Variants in STXBP5 observed in about 807,000 individuals in gnomAD.
STXBP5 encodes the protein syntaxin-binding protein 5.
A neutral mutation model predicts 152.4 loss-of-function variants in STXBP5; 50 were observed. The ratio of observed to expected loss-of-function variants is 0.33; its 90% CI spans 0.26 to 0.42. The LOEUF is 0.42. STXBP5 is among the 10% of genes least tolerant of loss of function. STXBP5 has a pLI of 1.00. For synonymous variants in STXBP5, 492 were observed against 494.7 expected, an observed-to-expected ratio of 0.99 and a Z score of 0.07; for missense variants, 1,167 against 1,388.6, an observed-to-expected ratio of 0.84 and a Z score of 2.54.
intron 2 of STXBP5, among the ~76,000 whole-genome samples, chr6:147,214,328 C>T (rs749419670): frequency 3.9e-5 from 6 of 152,144 alleles, no homozygotes; most frequent in Non-Finnish European, 8.8e-5. Context: ...TTATTTTCCT[C>T]ATATTTACTT....
In STXBP5 at chr6:147,219,126, C is replaced by T. The variant is rs57233238; in HGVS notation, c.248+13058C>T. On this transcript the variant is annotated intron_variant, in intron 2 of 27. Coordinates refer to ENST00000321680, the MANE Select transcript of STXBP5 (RefSeq NM_001127715.4). ...CAAGTTGAGCAACTTCACCTGTATT[C>T]GTAGTTTACCGACAGTGTTTATCTG... Among the ~76,000 whole-genome samples, 1,097 of 152,170 alleles carry T rather than the reference C, an allele frequency of 7.2e-3. 12 individuals carry two copies. The highest frequency in any genetic ancestry group is 0.025 in the African/African-American group (1,052 of 41,514).
At chr6:147,290,447 C>A (rs1781223388) in intron 8 of STXBP5, among the ~76,000 whole-genome samples, 1 of 152,104 alleles carries the variant, frequency 6.6e-6, no homozygotes, top group South Asian at 2.1e-4. Context: ...AGTGGTTAAT[C>A]TCTGAAATAT....
chr6:147,205,560 A>T (rs1776505359), intron 1 of STXBP5, among the ~76,000 whole-genome samples: 1 of 152,164 alleles, frequency 6.6e-6, no homozygotes, highest in Non-Finnish European at 1.5e-5. Flanking sequence ...TTTTCCTTAG[A>T]AGTACTTGCG....
chr6:147,261,779 G>A (rs1582858835), intron 5 of STXBP5, among the ~76,000 whole-genome samples: 1 of 151,830 alleles, frequency 6.6e-6, no homozygotes, highest in East Asian at 1.9e-4. Context: ...TTCTGAATTA[G>A]GGGTATGCTT....
At chr6:147,366,931 A>AAG (rs1230342959) in intron 25 of STXBP5, among the ~76,000 whole-genome samples, 3 of 152,228 alleles carry the variant, frequency 2.0e-5, no homozygotes, top group East Asian at 3.9e-4. Flanking sequence ...AAAAATCGCA[A>AAG]TGTCTGGTGT....
Position 147,363,340 on chromosome 6 carries a change from A to G in STXBP5, c.2551A>G (p.Ile851Val). The G allele has an allele frequency of 1.3e-6, 2 of 1,588,632 alleles. No homozygotes were observed. The highest frequency in any genetic ancestry group is 1.2e-5 in the South Asian group (1 of 86,094). The change falls in exon 24 of 28, where the codon ATA becomes GTA. Residue 851 changes from isoleucine (I) to valine (V), a missense_variant. Physicochemically the swap from Ile to Val is conservative, Grantham distance 29. Coordinates refer to ENST00000321680, the MANE Select transcript of STXBP5 (RefSeq NM_001127715.4). ...ACTAGACTTCTATATTTTAGGTACT[A>G]TATTGAGGTTAAAAGGTGCAATCTT... Reference protein sequence around the residue: ...QPVIVSPSGTILRLKGAILRM... With the variant: ...QPVIVSPSGTVLRLKGAILRM...
chr6:147,248,492 C>G (rs1778927390), intron 4 of STXBP5, among the ~76,000 whole-genome samples: 3 of 151,926 alleles, frequency 2.0e-5, no homozygotes, highest in Non-Finnish European at 1.5e-5. Flanking sequence ...CAGGAAAATG[C>G]AGACTAAAAC....
In STXBP5 at chr6:147,251,555, G is replaced by A. The variant is rs536536963; in HGVS notation, c.432-9060G>A. On this transcript the variant is annotated intron_variant, in intron 4 of 27. Transcript: ENST00000321680. The stretch of plus-strand genomic sequence containing the variant: ...GCCTCTCTAGATTTCTCCTCTCTGG[G>A]CAGGGCATCTCTGAAAGAAAGGCTG... 2.4e-4 allele frequency among the ~76,000 whole-genome samples: 37 copies of A among 152,274 alleles called. 1 individual carries two copies. The South Asian group carries it at 6.8e-3, about 28-fold the overall frequency.
intron 23 of STXBP5, among the ~76,000 whole-genome samples, chr6:147,360,846 A>T (rs1437070102): frequency 6.6e-6 from 1 of 152,174 alleles, no homozygotes; most frequent in African/African-American, 2.4e-5. Context: ...ATGCCCATCC[A>T]GATAGAAACA....
At chr6:147,308,120 G>T (rs747145404) in intron 9 of STXBP5, among the ~76,000 whole-genome samples, 16 of 152,194 alleles carry the variant, frequency 1.1e-4, no homozygotes, top group Non-Finnish European at 2.2e-4. Flanking sequence ...ACAAGTGTTA[G>T]TTCCCCACTG....
At chr6:147,224,607 A>AT (rs1777618680) in intron 2 of STXBP5, among the ~76,000 whole-genome samples, 1 of 152,134 alleles carries the variant, frequency 6.6e-6, no homozygotes. Flanking sequence ...ATGTATTTTC[A>AT]TTTTTTCCTG....
At chr6:147,228,383 C>T (rs755383043) in intron 2 of STXBP5, among the ~76,000 whole-genome samples, 2 of 151,676 alleles carry the variant, frequency 1.3e-5, no homozygotes, top group Non-Finnish European at 2.9e-5. Flanking sequence ...TGCAAGTGGT[C>T]GCTTGTTTGT....
intron 6 of STXBP5, among the ~76,000 whole-genome samples, chr6:147,265,129 G>T (rs2115358919): frequency 6.6e-6 from 1 of 152,112 alleles, no homozygotes; most frequent in Admixed American, 6.6e-5. Flanking sequence ...TGAAAAGACT[G>T]GGAAAAGAGA....
At chr6:147,379,602 T>C (rs1477623938) in intron 26 of STXBP5, among the ~76,000 whole-genome samples, 1 of 152,102 alleles carries the variant, frequency 6.6e-6, no homozygotes, top group Non-Finnish European at 1.5e-5. Flanking sequence ...TTCAAAGAGC[T>C]CTTACCACTT....
At chr6:147,350,992 C>A (rs906503513) in intron 21 of STXBP5, among the ~76,000 whole-genome samples, 2 of 152,160 alleles carry the variant, frequency 1.3e-5, no homozygotes, top group African/African-American at 4.8e-5. Context: ...CCTGTCCTAA[C>A]CACTATACTT....
At chr6:147,308,365 T>C (rs975716256) in intron 9 of STXBP5, among the ~76,000 whole-genome samples, 1 of 152,230 alleles carries the variant, frequency 6.6e-6, no homozygotes, top group Non-Finnish European at 1.5e-5. Flanking sequence ...AACTGCTATT[T>C]AGCTAGAGAA....
At chr6:147,328,810 G>A (rs1173489834) in intron 18 of STXBP5, 5 of 466,210 alleles carry the variant, frequency 1.1e-5, no homozygotes, top group African/African-American at 6.0e-5. Context: ...TGGCATGTTT[G>A]TTCTTTGTAA....
intron 26 of STXBP5, among the ~76,000 whole-genome samples, chr6:147,381,677 A>G (rs1462169144): frequency 6.6e-6 from 1 of 152,224 alleles, no homozygotes; most frequent in African/African-American, 2.4e-5. Flanking sequence ...CACCTTATCC[A>G]TAAAATGACA....
At chr6:147,292,833 T>C (rs963095742) in intron 9 of STXBP5, 1 of 152,158 alleles carries the variant, frequency 6.6e-6, no homozygotes, top group Non-Finnish European at 1.5e-5. Flanking sequence ...ATAATGTTAA[T>C]ATTTATGAGT....
Sources: gnomAD v4.1 joint callset for allele counts (sites outside exome capture counted in the v4.1 genomes callset) on GRCh38, gnomAD v4.1.1 for gene constraint, MANE v1.5 for transcripts, NCBI Gene and HGNC (gene_info 2026-07-23, HGNC 2026-07-21) for gene names.